Variants in HHIPL2 observed in about 807,000 individuals in gnomAD.
The protein encoded by HHIPL2 is HHIP like 2.
Under a neutral mutation model 61.0 loss-of-function variants are expected in HHIPL2, and 61 were observed. That is an observed-to-expected ratio of 1.00 (90% confidence interval 0.81 to 1.24). The LOEUF is 1.24. Among genes scored for constraint, HHIPL2 ranks in the 50% most tolerant of loss-of-function variants. The pLI, the probability that HHIPL2 is intolerant of heterozygous loss-of-function variation, is 0.00. For missense variants in HHIPL2, 885 were observed against 910.2 expected, an observed-to-expected ratio of 0.97 and a Z score of 0.36; for synonymous variants, 343 against 357.4, an observed-to-expected ratio of 0.96 and a Z score of 0.45.
In HHIPL2 at chr1:222,544,040, G is replaced by T; in HGVS notation, c.471C>A (p.Leu157=). The part of the protein sequence containing the change: ...AISLLTNDRG[L]QESHGRDGTR... ...TACCGTCCCTTCCATGAGACTCCTG[G>T]AGGCCGCGGTCATTGGTCAGCAGGG... Residue 157 remains leucine, a synonymous_variant, in exon 2 of 9, where the codon CTC becomes CTA. Transcript: ENST00000343410. 6.2e-7 allele frequency: 1 copy of T among 1,614,204 alleles called. No homozygotes were observed. The highest frequency in any genetic ancestry group is 8.5e-7 in the Non-Finnish European group (1 of 1,180,040).
intron 6 of HHIPL2, among the ~76,000 whole-genome samples, chr1:222,530,303 C>G (rs1461608791): frequency 1.3e-5 from 2 of 152,138 alleles, no homozygotes; most frequent in African/African-American, 4.8e-5. Context: ...CCTGGGCAGG[C>G]CTGCCTCTGG....
In HHIPL2 at chr1:222,543,826, T is replaced by C; in HGVS notation, c.685A>G (p.Thr229Ala). 1 of 1,614,036 alleles carries C rather than the reference T, an allele frequency of 6.2e-7. No individual in the cohort carries two copies. Among genetic ancestry groups the C allele is most frequent in the Non-Finnish European group, 8.5e-7 (1 of 1,179,996 alleles). ...PVSMVHAGDG[T>A]HRFFVAEQVG... ...TGCTCGGCAACAAAGAAGCGATGGGTGCCGTCCCCAGCATGGACCATGGAG... is the reference window on the plus strand; with the variant it reads ...TGCTCGGCAACAAAGAAGCGATGGGCGCCGTCCCCAGCATGGACCATGGAG... Residue 229 changes from threonine (T) to alanine (A), a missense_variant, in exon 2 of 9, where the codon ACC becomes GCC. Transcript: ENST00000343410.
At chr1:222,541,590 C>G (rs868329801) in intron 3 of HHIPL2, among the ~76,000 whole-genome samples, 4 of 152,236 alleles carry the variant, frequency 2.6e-5, no homozygotes, top group Middle Eastern at 3.4e-3. Flanking sequence ...ATGTAAAGTA[C>G]TTAGACCAAT....
intron 1 of HHIPL2, among the ~76,000 whole-genome samples, chr1:222,546,973 A>G (rs1164146298): frequency 2.0e-5 from 3 of 152,226 alleles, no homozygotes; most frequent in Non-Finnish European, 2.9e-5. Flanking sequence ...CTCCCCAGGC[A>G]GCCTCTTTTA....
intron 7 of HHIPL2, among the ~76,000 whole-genome samples, chr1:222,525,739 C>G (rs1255591439): frequency 6.6e-6 from 1 of 152,136 alleles, no homozygotes; most frequent in African/African-American, 2.4e-5. Flanking sequence ...TGGCACACAC[C>G]TGTAATCCCA....
At position 222,540,006 on chromosome 1, in the gene HHIPL2, T is replaced by C; in HGVS notation, c.1450+4A>G. 1 of 1,611,404 alleles carries C rather than the reference T, an allele frequency of 6.2e-7. No homozygotes were observed. The highest frequency in any genetic ancestry group is 1.1e-5 in the South Asian group (1 of 90,866). On this transcript the variant is annotated splice_donor_region_variant and intron_variant, in intron 4 of 8. Transcript: ENST00000343410. ...AGAAATCACCCAGAGAGCTTCTTAC[T>C]TACCCAAAGAGGCATTGTGACAAAG...
At chr1:222,541,189 C>T (rs962051520) in intron 3 of HHIPL2, among the ~76,000 whole-genome samples, 4 of 152,212 alleles carry the variant, frequency 2.6e-5, no homozygotes, top group Admixed American at 6.5e-5. Context: ...AGTAGGTATT[C>T]GACAAATGTT....
intron 1 of HHIPL2, among the ~76,000 whole-genome samples, chr1:222,545,802 G>T (rs188061224): frequency 6.6e-6 from 1 of 151,984 alleles, no homozygotes; most frequent in African/African-American, 2.4e-5. Context: ...AGGATGAGGG[G>T]GGCAGATCAC....
intron 4 of HHIPL2, 134 bp from the exon 5 acceptor site, chr1:222,538,908 G>A: frequency 2.5e-6 from 2 of 792,218 alleles, no homozygotes; most frequent in Middle Eastern, 4.7e-4. Flanking sequence ...CAGTAGGACA[G>A]GCAAGCAAGT....
chr1:222,547,621 A>G (rs1311557057), intron 1 of HHIPL2, 103 bp downstream of exon 1: 40 of 986,424 alleles, frequency 4.1e-5, no homozygotes, highest in Non-Finnish European at 5.7e-5. Flanking sequence ...CACCCGGCAC[A>G]TGAACTTCTA....
chr1:222,547,868 C>T lies in HHIPL2; in HGVS notation c.177G>A (p.Glu59=), dbSNP rs769274042. The T allele has an allele frequency of 1.2e-6, 2 of 1,614,148 alleles. No homozygotes were observed. Among genetic ancestry groups the T allele is most frequent in the Non-Finnish European group, 1.7e-6 (2 of 1,180,040 alleles). Residue 59 remains glutamate (E), a synonymous_variant, in exon 1 of 9, where the codon GAG becomes GAA. Transcript: ENST00000343410. ...CGAAGGACTCATAGTCAGAGCAAAA[C>T]TCAAGGTGCAGAGGGGGCTGGAAAG... ...GPPFQPPLHL[E]FCSDYESFGC... is the part of the protein sequence containing the mutation.
chr1:222,545,084 G>T (rs1171337893), intron 1 of HHIPL2, among the ~76,000 whole-genome samples: 3 of 152,208 alleles, frequency 2.0e-5, no homozygotes, highest in Non-Finnish European at 4.4e-5. Context: ...GAGGAAAATA[G>T]AATATTGTGA....
intron 1 of HHIPL2, among the ~76,000 whole-genome samples, chr1:222,547,489 C>G (rs942280438): frequency 1.3e-5 from 2 of 152,106 alleles, no homozygotes; most frequent in Non-Finnish European, 2.9e-5. Flanking sequence ...TCTCCTGGAG[C>G]CTGGAGAAGA....
At chr1:222,530,417 T>C (rs1281283165) in intron 6 of HHIPL2, among the ~76,000 whole-genome samples, 2 of 152,228 alleles carry the variant, frequency 1.3e-5, no homozygotes, top group East Asian at 3.8e-4. Context: ...CTGGCCATCA[T>C]CCTGCCAGCC....
chr1:222,540,225 G>C lies in HHIPL2; in HGVS notation c.1235C>G (p.Ala412Gly). 1.2e-6 allele frequency: 2 copies of C among 1,614,270 alleles called. No individual in the cohort carries two copies. Among genetic ancestry groups the C allele is most frequent in the Non-Finnish European group, 1.7e-6 (2 of 1,180,046 alleles). Residue 412 changes from alanine (A) to glycine (G), a missense_variant, in exon 4 of 9, where the codon GCC becomes GGC. Transcript: ENST00000343410. ...GTTCCTGATCCCATAGGCATAGATG[G>C]CGGGGTGGGCCCCTGGCTCAGAAAC... ...PFVSEPGAHP[A>G]IYAYGIRNMW...
chr1:222,537,463 A>G (rs897154337), intron 5 of HHIPL2, among the ~76,000 whole-genome samples: 3 of 151,468 alleles, frequency 2.0e-5, no homozygotes, highest in African/African-American at 7.3e-5. Flanking sequence ...AAAAAAAAAA[A>G]GAAAGTAAAT....
intron 6 of HHIPL2, among the ~76,000 whole-genome samples, chr1:222,530,391 C>T (rs1223557873): frequency 6.6e-6 from 1 of 152,198 alleles, no homozygotes; most frequent in Admixed American, 6.5e-5. Flanking sequence ...GCAGCTTTCA[C>T]GTCACTCACT....
chr1:222,533,906 T>G (rs1659244045), intron 5 of HHIPL2, among the ~76,000 whole-genome samples: 1 of 152,148 alleles, frequency 6.6e-6, no homozygotes, highest in Non-Finnish European at 1.5e-5. Flanking sequence ...AGAGAAAGAA[T>G]GCCAGAGAGC....
intron 6 of HHIPL2, among the ~76,000 whole-genome samples, chr1:222,528,898 G>A (rs1659129544): frequency 1.4e-5 from 2 of 142,558 alleles, no homozygotes; most frequent in South Asian, 4.3e-4. Context: ...ACAGCTCACT[G>A]TAGCCTCAAC....
Sources: gnomAD v4.1 joint callset for allele counts (sites outside exome capture counted in the v4.1 genomes callset) on GRCh38, gnomAD v4.1.1 for gene constraint, MANE v1.5 for transcripts, NCBI Gene and HGNC (gene_info 2026-07-23, HGNC 2026-07-21) for gene names.